ZNF292: variants seen among roughly 807,000 people sequenced by gnomAD.
ZNF292 encodes zinc finger protein 292.
ZNF292 carries 26 observed loss-of-function variants against 217.9 expected under a neutral mutation model. The observed-to-expected ratio is 0.12, with a 90% CI of 0.09 to 0.17. ZNF292 has a LOEUF of 0.17. Ranked by LOEUF, ZNF292 falls within the 10% of genes least tolerant of loss-of-function variation. ZNF292 has a pLI of 1.00. For synonymous variants in ZNF292, 1,257 were observed against 1,124.1 expected (o/e 1.12, Z -2.37); for missense variants, 2,904 against 3,175.2 (o/e 0.91, Z 2.05).
chr6:87,254,052 G>A (rs1281655816), intron 7 of ZNF292, among the ~76,000 whole-genome samples: 2 of 152,112 alleles, frequency 1.3e-5, no homozygotes, highest in Non-Finnish European at 2.9e-5. Flanking sequence ...TTGACATTTG[G>A]TTTTATGATA....
At chr6:87,213,218 G>A (rs1180684520) in intron 1 of ZNF292, among the ~76,000 whole-genome samples, 1 of 152,196 alleles carries the variant, frequency 6.6e-6, no homozygotes, top group African/African-American at 2.4e-5. Flanking sequence ...ACAGACTTCC[G>A]TCTTCCTGCC....
intron 1 of ZNF292, among the ~76,000 whole-genome samples, chr6:87,181,872 T>C (rs955987595): frequency 1.3e-5 from 2 of 151,954 alleles, no homozygotes; most frequent in Non-Finnish European, 2.9e-5. Flanking sequence ...TTAGTAGAGA[T>C]GGGGTTTCGC....
In ZNF292 at chr6:87,258,251, G is replaced by A; in HGVS notation, c.4622G>A (p.Cys1541Tyr). The change falls in exon 8 of 8, where the codon TGC becomes TAC. Residue 1541 changes from cysteine to tyrosine, a missense_variant. Cys to Tyr is a radical substitution (Grantham distance 194). Coordinates refer to ENST00000369577, the MANE Select transcript of ZNF292 (RefSeq NM_015021.3). ...GTACCACCCCTGTTGCACACTGTAT[G>A]CCATCCAAACACCTTGCTGACCAAC... ...PTVPPLLHTV[C>Y]HPNTLLTNQN... 5 of 1,612,960 alleles carry A rather than the reference G, an allele frequency of 3.1e-6. No homozygotes were observed. The highest frequency in any genetic ancestry group is 4.2e-6 in the Non-Finnish European group (5 of 1,179,562).
At chr6:87,200,207 T>C (rs1046376139) in intron 1 of ZNF292, among the ~76,000 whole-genome samples, 17 of 152,228 alleles carry the variant, frequency 1.1e-4, no homozygotes, top group Non-Finnish European at 2.5e-4. Context: ...CACTTCAGAT[T>C]TGAGCCATGT....
intron 1 of ZNF292, among the ~76,000 whole-genome samples, chr6:87,178,826 G>A (rs978359156): frequency 2.0e-5 from 3 of 152,016 alleles, no homozygotes; most frequent in Non-Finnish European, 4.4e-5. Flanking sequence ...GTTTGCTTTA[G>A]GGTACTAAAG....
intron 1 of ZNF292, among the ~76,000 whole-genome samples, chr6:87,183,359 TGCA>T (rs920843144): frequency 6.6e-6 from 1 of 152,098 alleles, no homozygotes; most frequent in African/African-American, 2.4e-5. Flanking sequence ...GGCTGGCCCC[TGCA>T]GGAAAATATA....
At chr6:87,232,769 CTTAT>C (rs1773718821) in intron 4 of ZNF292, among the ~76,000 whole-genome samples, 1 of 151,878 alleles carries the variant, frequency 6.6e-6, no homozygotes, top group East Asian at 1.9e-4. Context: ...TTTCTCCCAT[CTTAT>C]TTATTTTTCT....
intron 1 of ZNF292, among the ~76,000 whole-genome samples, chr6:87,179,734 CCT>C (rs976443450): frequency 5.9e-5 from 9 of 152,144 alleles, no homozygotes; most frequent in African/African-American, 1.9e-4. Flanking sequence ...CAGTGTACAT[CCT>C]CTGTTTGGAA....
rs3812132 is a variant in ZNF292, at chr6:87,260,583, C to G, written c.6954C>G (p.Thr2318=). 890,759 of 1,612,320 alleles carry G rather than the reference C, an allele frequency of 0.55. 251,030 individuals are homozygous for G. Among genetic ancestry groups the G allele is most frequent in the African/African-American group, 0.82 (61,395 of 74,830 alleles). ...AATCAAAGTCTAAACATCGGGGGAC[C>G]AAGCACAGCAGATGTGGAAAGGAAG... ...QEKSKSKHRG[T]KHSRCGKEGI... The change falls in exon 8 of 8, where the codon ACC becomes ACG. Residue 2318 remains threonine (T), a synonymous_variant. Transcript: ENST00000369577.
At chr6:87,180,215 G>T (rs1050492023) in intron 1 of ZNF292, among the ~76,000 whole-genome samples, 2 of 152,238 alleles carry the variant, frequency 1.3e-5, no homozygotes, top group Admixed American at 6.5e-5. Context: ...GCATTGGCCC[G>T]CATTCAAAGC....
chr6:87,178,566 G>A (rs1003992930), intron 1 of ZNF292, among the ~76,000 whole-genome samples: 9 of 152,130 alleles, frequency 5.9e-5, no homozygotes, highest in Middle Eastern at 3.2e-3. Flanking sequence ...GAACTGTTAC[G>A]TTTGTGTGTT....
At chr6:87,250,695 A>G (rs965371763) in intron 7 of ZNF292, among the ~76,000 whole-genome samples, 3 of 152,214 alleles carry the variant, frequency 2.0e-5, no homozygotes, top group African/African-American at 4.8e-5. Context: ...CCTGGAACCA[A>G]TGCCCCCAGA....
chr6:87,195,582 A>C (rs1771933527), intron 1 of ZNF292, among the ~76,000 whole-genome samples: 2 of 152,226 alleles, frequency 1.3e-5, no homozygotes, highest in African/African-American at 4.8e-5. Context: ...GAAATCTTAT[A>C]GTTTTCCTGT....
Position 87,258,080 on chromosome 6 carries a change from A to C in ZNF292, c.4451A>C (p.Gln1484Pro), listed in dbSNP as rs1049965275. Residue 1484 changes from glutamine to proline, a missense_variant, in exon 8 of 8, where the codon CAA (glutamine) becomes CCA (proline). Physicochemically the swap from Gln to Pro is moderately conservative, Grantham distance 76. Around this residue, in one of 15 missense-constraint regions of ZNF292, gnomAD observed 622 missense variants for 573.1 expected, o/e 1.09. Transcript: ENST00000369577. Reference protein sequence around the residue: ...GVTNFNTSVSQEGSEIIKQAL... With the variant: ...GVTNFNTSVSPEGSEIIKQAL... ...ACTAACTTTAATACCAGTGTCAGTC[A>C]AGAAGGTAGTGAAATTATTAAACAG... is the stretch of plus-strand genomic sequence containing the variant. 6.2e-7 allele frequency: 1 copy of C among 1,613,636 alleles called. No individual in the cohort carries two copies. The highest frequency in any genetic ancestry group is 1.1e-5 in the South Asian group (1 of 91,066).
intron 4 of ZNF292, chr6:87,222,681 A>G (rs1204164340): frequency 5.4e-6 from 2 of 369,890 alleles, no homozygotes; most frequent in Admixed American, 2.8e-5. Context: ...GTCACAATTA[A>G]TAAACTAATA....
intron 1 of ZNF292, among the ~76,000 whole-genome samples, chr6:87,175,577 G>T (rs1170847294): frequency 1.3e-5 from 2 of 152,110 alleles, no homozygotes; most frequent in African/African-American, 4.8e-5. Flanking sequence ...GGCCTCAGGC[G>T]ATCCTCCTGC....
intron 1 of ZNF292, among the ~76,000 whole-genome samples, chr6:87,168,503 C>T (rs932326633): frequency 1.2e-4 from 18 of 152,228 alleles, no homozygotes; most frequent in African/African-American, 3.6e-4. Flanking sequence ...GGTCGAGTTT[C>T]GCTCTTGTCA....
At chr6:87,176,952 C>T (rs1161936033) in intron 1 of ZNF292, among the ~76,000 whole-genome samples, 2 of 152,136 alleles carry the variant, frequency 1.3e-5, no homozygotes, top group East Asian at 1.9e-4. Context: ...CCTCCATCCT[C>T]CCACCAATAA....
intron 4 of ZNF292, among the ~76,000 whole-genome samples, chr6:87,227,661 T>C (rs960576559): frequency 2.6e-5 from 4 of 152,214 alleles, no homozygotes; most frequent in African/African-American, 9.6e-5. Flanking sequence ...TTGAGTACTT[T>C]AGATACCTTA....
Sources: allele counts gnomAD v4.1 joint callset (sites outside exome capture counted in the v4.1 genomes callset), GRCh38; gene constraint gnomAD v4.1.1; regional missense constraint gnomAD v4.1.1; transcripts MANE v1.5; gene names NCBI Gene and HGNC (gene_info 2026-07-23, HGNC 2026-07-21).